ADAMDEC1: variants seen among roughly 807,000 people sequenced by gnomAD.
ADAMDEC1 encodes ADAM like decysin 1, also known as ADAM DEC1.
In ADAMDEC1, 62 loss-of-function variants were observed where a neutral mutation model predicts 60.4. The ratio of observed to expected loss-of-function variants is 1.03; its 90% CI spans 0.84 to 1.27. The LOEUF (loss-of-function observed/expected upper bound fraction) is 1.27. Ranked by LOEUF, ADAMDEC1 falls within the 50% of genes most tolerant of loss-of-function variation. The probability of loss-of-function intolerance (pLI) is 0.00; values close to 1 mark genes in which losing one functional copy is unlikely to be tolerated. For synonymous variants in ADAMDEC1, 210 were observed against 195.1 expected (o/e 1.08, Z -0.64); for missense variants, 595 against 565.0 (o/e 1.05, Z -0.54).
At chr8:24,386,800 G>T (rs7010488) in intron 1 of ADAMDEC1, among the ~76,000 whole-genome samples, 3,548 of 152,122 alleles carry the variant, frequency 0.023, 139 homozygotes, top group African/African-American at 0.082. Flanking sequence ...TCTCCTGCCG[G>T]GTCTGTCCCG....
At chr8:24,400,099 A>AT in intron 10 of ADAMDEC1, 71 bp from the exon 11 acceptor site, 2 of 1,290,268 alleles carry the variant, frequency 1.6e-6, no homozygotes, top group Non-Finnish European at 2.0e-6. Context: ...CTCTTAAGCC[A>AT]TTTTTAAAGT....
rs1433236471 is a variant in ADAMDEC1 at position 24,397,753 on chromosome 8, T to C, written c.690+8T>C. On this transcript the variant is annotated splice_region_variant and intron_variant, in intron 7 of 13. Transcript: ENST00000256412. ...GTGCTGGATAATGCCTTTGTGAGTA[T>C]GAAACACACGGCCCTCTCGGCCAGT... 2.7e-5 allele frequency: 43 copies of C among 1,611,660 alleles called. No homozygotes were observed. Among genetic ancestry groups the C allele is most frequent in the Non-Finnish European group, 3.3e-5 (39 of 1,179,038 alleles).
chr8:24,392,740 T>C (rs1322247989), intron 2 of ADAMDEC1, among the ~76,000 whole-genome samples: 2 of 152,218 alleles, frequency 1.3e-5, no homozygotes, highest in South Asian at 2.1e-4. Flanking sequence ...CTCAGCCATT[T>C]TGTCAATAGT....
rs1018457483 is a variant in ADAMDEC1, at chr8:24,390,187, T to G, written c.89-2075T>G. ...AATAAATATTTGTGAAATGAATATTTCAGTTTTCACATAAAAGAAATATCA... is the reference window on the plus strand; with the variant it reads ...AATAAATATTTGTGAAATGAATATTGCAGTTTTCACATAAAAGAAATATCA... On this transcript the variant is annotated intron_variant, in intron 1 of 13. Transcript: ENST00000256412. The G allele has an allele frequency of 3.3e-5, 37 of 1,124,488 alleles. No individual in the cohort carries two copies. The Admixed American group carries it at 8.7e-4, about 26-fold the overall frequency. 69.7% of individuals were successfully genotyped at this position (1,124,488 alleles called of 1,614,324 possible).
At chr8:24,392,193 A>G (rs1285458721) in intron 1 of ADAMDEC1, 69 bp from the exon 2 acceptor site, 1 of 1,215,638 alleles carries the variant, frequency 8.2e-7, no homozygotes, top group East Asian at 2.4e-5. Context: ...AGAAATGAAA[A>G]CAAAACACAA....
chr8:24,401,871 A>C, intron 11 of ADAMDEC1, 44 bp from the exon 12 acceptor site: 1 of 1,443,358 alleles, frequency 6.9e-7, no homozygotes, highest in Non-Finnish European at 9.5e-7. Context: ...CGCAGAAGGC[A>C]CCACACTGTA....
chr8:24,404,760 A>T (rs928413317), intron 13 of ADAMDEC1, among the ~76,000 whole-genome samples: 4 of 152,316 alleles, frequency 2.6e-5, no homozygotes, highest in Middle Eastern at 3.4e-3. Flanking sequence ...CTGCAGAGAC[A>T]GTATAAAGAA....
At position 24,400,185 on chromosome 8, in the gene ADAMDEC1, A is replaced by T. The variant is rs1390857159; in HGVS notation, c.1027A>T (p.Asn343Tyr). 6.3e-7 allele frequency: 1 copy of T among 1,587,268 alleles called. No individual in the cohort carries two copies. The highest frequency in any genetic ancestry group is 2.3e-5 in the East Asian group (1 of 44,340). ...VAVIEAKKKNNVALVGVMSHE... is the reference protein window; with the variant it reads ...VAVIEAKKKNYVALVGVMSHE... Reference sequence around the variant, plus strand: ...CTTTTTCCAGGCTAAAAAAAAGAATAATGTGGCTCTTGTAGGAGTGATGTC... The same window carrying T: ...CTTTTTCCAGGCTAAAAAAAAGAATTATGTGGCTCTTGTAGGAGTGATGTC... Residue 343 changes from asparagine to tyrosine, a missense_variant, in exon 11 of 14, where the codon AAT becomes TAT. By Grantham distance (143) the Asn-to-Tyr change is moderately radical (BLOSUM62 -2). Coordinates refer to ENST00000256412, the MANE Select transcript of ADAMDEC1 (RefSeq NM_014479.3).
At chr8:24,387,482 T>C (rs967752776) in intron 1 of ADAMDEC1, 1 of 152,156 alleles carries the variant, frequency 6.6e-6, no homozygotes, top group Non-Finnish European at 1.5e-5. Context: ...CCGTTGCCCT[T>C]GTGCATGATG....
At chr8:24,397,611 G>T (rs1490109525) in intron 6 of ADAMDEC1, 72 bp from the exon 7 acceptor site, 12 of 1,501,834 alleles carry the variant, frequency 8.0e-6, no homozygotes, top group Non-Finnish European at 1.0e-5. Context: ...AGGAAAACAA[G>T]TCTCCTTTTA....
In ADAMDEC1 at chr8:24,403,967, G is replaced by A. The variant is rs192802547; in HGVS notation, c.1321-36G>A. 49 of 1,580,976 alleles carry A rather than the reference G, an allele frequency of 3.1e-5. No homozygotes were observed. In the African/African-American group the frequency reaches 5.8e-4, roughly 19 times the overall value. The stretch of plus-strand genomic sequence containing the variant: ...ACCTAGTCTATGGGAAGAAAATGTT[G>A]AACCCACCTTTTTCCATTGTGTGTG... On this transcript the variant is annotated intron_variant, in intron 12 of 13. Coordinates refer to ENST00000256412, the MANE Select transcript of ADAMDEC1 (RefSeq NM_014479.3).
At chr8:24,397,603 G>T (rs1817648944) in intron 6 of ADAMDEC1, 80 bp from the exon 7 acceptor site, 2 of 1,485,902 alleles carry the variant, frequency 1.3e-6, no homozygotes. Flanking sequence ...TCTATTTTAG[G>T]AAAACAAGTC....
chr8:24,392,671 C>T (rs78263450), intron 2 of ADAMDEC1, among the ~76,000 whole-genome samples: 3,584 of 152,214 alleles, frequency 0.024, 133 homozygotes, highest in African/African-American at 0.083. Context: ...CCATCTTTAA[C>T]GGAGATGTTG....
chr8:24,392,228 ATCT>A, intron 1 of ADAMDEC1, 31 bp from the exon 2 acceptor site: 1 of 1,517,706 alleles, frequency 6.6e-7, no homozygotes, highest in East Asian at 2.3e-5. Context: ...AAACCTTTAA[ATCT>A]TTTATGTGAA....
At chr8:24,390,666 G>T (rs1241585723) in intron 1 of ADAMDEC1, among the ~76,000 whole-genome samples, 1 of 152,154 alleles carries the variant, frequency 6.6e-6, no homozygotes, top group Admixed American at 6.5e-5. Flanking sequence ...GTTGCAGTGA[G>T]TCAAGATCGG....
chr8:24,389,778 C>T (rs1817390105), intron 1 of ADAMDEC1, among the ~76,000 whole-genome samples: 1 of 152,124 alleles, frequency 6.6e-6, no homozygotes, highest in African/African-American at 2.4e-5. Context: ...CACATTAAAA[C>T]CTTATTACTA....
chr8:24,391,090 T>C (rs1817434707), intron 1 of ADAMDEC1, among the ~76,000 whole-genome samples: 2 of 152,184 alleles, frequency 1.3e-5, no homozygotes, highest in Admixed American at 6.5e-5. Context: ...TTTTAGTATG[T>C]GATGAATCCT....
In ADAMDEC1 at chr8:24,392,272, A is replaced by G. The variant is rs769469861; in HGVS notation, c.99A>G (p.Ile33Met). The change falls in exon 2 of 14, where the codon ATA becomes ATG. Residue 33 changes from isoleucine (I) to methionine (M), a missense_variant. Ile to Met is a conservative substitution (Grantham distance 10). Transcript: ENST00000256412. ...WLIVQTQAIA[I>M]KQTPELTLHE... Reference sequence around the variant, plus strand: ...TTTCTCTTTCTCTAGCAATAGCCATAAAGCAAACACCTGAATTAACGCTCC... The same window carrying G: ...TTTCTCTTTCTCTAGCAATAGCCATGAAGCAAACACCTGAATTAACGCTCC... The G allele has an allele frequency of 1.2e-6, 2 of 1,607,692 alleles. No homozygotes were observed. The highest frequency in any genetic ancestry group is 1.7e-6 in the Non-Finnish European group (2 of 1,177,090).
At chr8:24,400,343 T>TA in intron 11 of ADAMDEC1, 43 bp downstream of exon 11, 1 of 1,555,408 alleles carries the variant, frequency 6.4e-7, no homozygotes. Flanking sequence ...ATTTTCCAAA[T>TA]CTTTTTTTTT....
Sources: gnomAD v4.1 joint callset for allele counts (sites outside exome capture counted in the v4.1 genomes callset) on GRCh38, gnomAD v4.1.1 for gene constraint, MANE v1.5 for transcripts, NCBI Gene and HGNC (gene_info 2026-07-23, HGNC 2026-07-21) for gene names.